The following OSBP2 variants were observed in gnomAD, a reference collection of about 807,000 sequenced individuals.
OSBP2 encodes oxysterol binding protein 2.
OSBP2 carries 66 observed loss-of-function variants against 96.0 expected under a neutral mutation model. That is an observed-to-expected ratio of 0.69 (90% CI 0.56 to 0.84). The LOEUF (loss-of-function observed/expected upper bound fraction) is 0.84. Among genes scored for constraint, OSBP2 ranks in the 40% least tolerant of loss-of-function variants. The pLI is 0.00. For synonymous variants in OSBP2, 525 were observed against 520.9 expected, an observed-to-expected ratio of 1.01 and a Z score of -0.11; for missense variants, 1,038 against 1,222.7, an observed-to-expected ratio of 0.85 and a Z score of 2.25.
At chr22:30,840,865 T>C (rs2038739383) in intron 2 of OSBP2, among the ~76,000 whole-genome samples, 1 of 151,960 alleles carries the variant, frequency 6.6e-6, no homozygotes, top group African/African-American at 2.4e-5. Flanking sequence ...ACATAATCCA[T>C]TTAAAGTGTA....
intron 2 of OSBP2, among the ~76,000 whole-genome samples, chr22:30,781,109 G>A (rs989121765): frequency 4.0e-5 from 6 of 151,574 alleles, no homozygotes; most frequent in Non-Finnish European, 7.4e-5. Context: ...CCAAGTAGCT[G>A]GGATTACAGG....
chr22:30,797,346 A>C (rs1224476974), intron 2 of OSBP2, among the ~76,000 whole-genome samples: 1 of 152,092 alleles, frequency 6.6e-6, no homozygotes, highest in Non-Finnish European at 1.5e-5. Context: ...GCAGTGGCAC[A>C]ATCTTGGCTC....
chr22:30,717,868 AG>A (rs1298502986), intron 1 of OSBP2, among the ~76,000 whole-genome samples: 3 of 152,128 alleles, frequency 2.0e-5, no homozygotes, highest in African/African-American at 7.2e-5. Context: ...CTGACAGGCG[AG>A]GGTGGGCGGG....
intron 1 of OSBP2, among the ~76,000 whole-genome samples, chr22:30,729,738 G>A (rs544211919): frequency 6.6e-6 from 1 of 152,044 alleles, no homozygotes; most frequent in East Asian, 1.9e-4. Context: ...GGTCATGGTG[G>A]CTAATGCCTG....
intron 2 of OSBP2, among the ~76,000 whole-genome samples, chr22:30,796,333 T>G (rs984132419): frequency 6.6e-6 from 1 of 152,162 alleles, no homozygotes; most frequent in African/African-American, 2.4e-5. Flanking sequence ...TTTTTCTTGC[T>G]TTTACTCCTT....
chr22:30,852,395 T>G (rs2038994140), intron 2 of OSBP2, among the ~76,000 whole-genome samples: 1 of 152,172 alleles, frequency 6.6e-6, no homozygotes, highest in South Asian at 2.1e-4. Context: ...CAAGGAAGTT[T>G]CCTTTTAATC....
intron 1 of OSBP2, among the ~76,000 whole-genome samples, chr22:30,709,076 AC>A (rs2089302668): frequency 6.6e-6 from 1 of 151,880 alleles, no homozygotes; most frequent in Non-Finnish European, 1.5e-5. Context: ...TCTAGCCTGG[AC>A]AACAAGAGCG....
chr22:30,855,890 T>C (rs2039067979), intron 2 of OSBP2, among the ~76,000 whole-genome samples: 1 of 152,226 alleles, frequency 6.6e-6, no homozygotes, highest in Non-Finnish European at 1.5e-5. Context: ...TTTTGCCAGA[T>C]CATTTTCAGC....
chr22:30,741,903 T>A, intron 2 of OSBP2, among the ~76,000 whole-genome samples: 1 of 151,944 alleles, frequency 6.6e-6, no homozygotes, highest in East Asian at 2.0e-4. Flanking sequence ...CACTGCAACC[T>A]CTGCCTTCCG....
intron 12 of OSBP2, among the ~76,000 whole-genome samples, chr22:30,895,174 G>C (rs563078319): frequency 2.0e-5 from 3 of 152,244 alleles, no homozygotes; most frequent in African/African-American, 7.2e-5. Context: ...ATGCACATTC[G>C]CTTCTGAGTG....
chr22:30,713,804 T>G (rs928911934), intron 1 of OSBP2, among the ~76,000 whole-genome samples: 4 of 152,170 alleles, frequency 2.6e-5, no homozygotes, highest in Admixed American at 6.6e-5. Flanking sequence ...TATGTATTTT[T>G]GGGGTACAGG....
Position 30,870,525 on chromosome 22 carries a change from G to A in OSBP2, c.950G>A (p.Ser317Asn). The part of the protein sequence containing the change: ...KNLSLKLDDL[S>N]TCNDLIAKHG... The stretch of plus-strand genomic sequence containing the variant: ...CTTTCCCTGAAGTTAGATGACCTCA[G>A]CACGTGCAATGACCTCATCGCCAAG... Residue 317 changes from serine to asparagine, a missense_variant, in exon 3 of 14, where the codon AGC (serine) becomes AAC (asparagine). By Grantham distance (46) the Ser-to-Asn change is conservative. Around this residue, in one of 3 missense-constraint regions of OSBP2, gnomAD observed 737 missense variants for 913.3 expected, o/e 0.81. Transcript: ENST00000332585. This position sits in a 1 kb window ranked among gnomAD's most constrained non-coding sequence, Gnocchi z 4.1. 1 of 1,614,084 alleles carries A rather than the reference G, an allele frequency of 6.2e-7. No individual in the cohort carries two copies.
intron 2 of OSBP2, among the ~76,000 whole-genome samples, chr22:30,783,098 GC>G (rs1490889038): frequency 1.5e-5 from 2 of 135,578 alleles, no homozygotes; most frequent in Non-Finnish European, 3.1e-5. Flanking sequence ...TGGAGAAAAG[GC>G]AAATTATTGT....
intron 2 of OSBP2, among the ~76,000 whole-genome samples, chr22:30,833,202 TG>T (rs2038566109): frequency 6.6e-6 from 1 of 152,080 alleles, no homozygotes; most frequent in Non-Finnish European, 1.5e-5. Flanking sequence ...AACACACAAC[TG>T]TACAGCTAGG....
intron 2 of OSBP2, among the ~76,000 whole-genome samples, chr22:30,797,197 A>G (rs1418868159): frequency 6.6e-6 from 1 of 152,230 alleles, no homozygotes; most frequent in African/African-American, 2.4e-5. Context: ...TTTAAGGCTA[A>G]CCAGTATTCC....
At chr22:30,860,852 G>A (rs2039196344) in intron 2 of OSBP2, among the ~76,000 whole-genome samples, 1 of 152,198 alleles carries the variant, frequency 6.6e-6, no homozygotes, top group Non-Finnish European at 1.5e-5. Flanking sequence ...ATTGGAGCAG[G>A]CACCACTATT....
At chr22:30,702,632 A>G (rs918747201) in intron 1 of OSBP2, among the ~76,000 whole-genome samples, 7 of 152,142 alleles carry the variant, frequency 4.6e-5, no homozygotes, top group African/African-American at 1.7e-4. Flanking sequence ...AATAAAATAA[A>G]TAAACAAAAC....
At chr22:30,812,326 T>G (rs537203436) in intron 2 of OSBP2, among the ~76,000 whole-genome samples, 1 of 152,100 alleles carries the variant, frequency 6.6e-6, no homozygotes, top group Non-Finnish European at 1.5e-5. Context: ...CCACCATGCC[T>G]GGCTAATTTT....
At chr22:30,741,407 G>T (rs1333422163) in intron 2 of OSBP2, 38 bp downstream of exon 2, 4 of 1,520,648 alleles carry the variant, frequency 2.6e-6, no homozygotes, top group Non-Finnish European at 3.6e-6. Context: ...GTATATGGTG[G>T]TGTCATGAGT....
Sources: allele counts gnomAD v4.1 joint callset (sites outside exome capture counted in the v4.1 genomes callset), GRCh38; gene constraint gnomAD v4.1.1; regional missense constraint gnomAD v4.1.1; non-coding constraint Gnocchi (gnomAD v3.1); transcripts MANE v1.5; gene names NCBI Gene and HGNC (gene_info 2026-07-23, HGNC 2026-07-21).